The following TRAK1 variants were observed in gnomAD, a reference collection of about 807,000 sequenced individuals.
TRAK1 encodes trafficking kinesin-binding protein 1.
In TRAK1, 33 loss-of-function variants were observed where a neutral mutation model predicts 92.1. The ratio of observed to expected loss-of-function variants is 0.36; its 90% CI spans 0.27 to 0.48. The LOEUF (loss-of-function observed/expected upper bound fraction) is 0.48. TRAK1 is among the 20% of genes least tolerant of loss of function. The pLI, the probability that TRAK1 is intolerant of heterozygous loss-of-function variation, is 0.99. For synonymous variants in TRAK1, 521 were observed against 517.3 expected, an observed-to-expected ratio of 1.01 and a Z score of -0.10; for missense variants, 1,123 against 1,257.9, an observed-to-expected ratio of 0.89 and a Z score of 1.62.
chr3:42,185,160 A>G (rs1704611636), intron 4 of TRAK1, among the ~76,000 whole-genome samples: 1 of 152,194 alleles, frequency 6.6e-6, no homozygotes. Flanking sequence ...AAGATGCTCC[A>G]TGCTTGGCAG....
At chr3:42,092,711 G>GTGTTGTGTTGTGTTGTGTTA (rs1400587515) in intron 1 of TRAK1, among the ~76,000 whole-genome samples, 35 of 101,108 alleles carry the variant, frequency 3.5e-4, no homozygotes, top group Admixed American at 1.1e-3. Context: ...GTGTTGTGTT[G>GTGTTGTGTTGTGTTGTGTTA]TGTTATGTTA....
chr3:42,171,628 C>T (rs17287204), intron 2 of TRAK1, among the ~76,000 whole-genome samples: 91 of 152,148 alleles, frequency 6.0e-4, no homozygotes, highest in African/African-American at 2.1e-3. Context: ...CCACTTCTCC[C>T]GGCTCATTCA....
intron 2 of TRAK1, among the ~76,000 whole-genome samples, chr3:42,140,717 TC>T (rs1278087786): frequency 6.6e-6 from 1 of 152,206 alleles, no homozygotes; most frequent in African/African-American, 2.4e-5. Flanking sequence ...TGGAAGGAAG[TC>T]CTGCTTGTAA....
In TRAK1 at chr3:42,191,611, G is replaced by A. The variant is rs1705750069; in HGVS notation, c.744G>A (p.Leu248=). 1 of 1,604,102 alleles carries A rather than the reference G, an allele frequency of 6.2e-7. No individual in the cohort carries two copies. Among genetic ancestry groups the A allele is most frequent in the Non-Finnish European group, 8.5e-7 (1 of 1,175,362 alleles). The part of the protein sequence containing the change: ...TITYEEKEQQ[L]VNDCVKELRD... ...CCTATGAGGAGAAGGAGCAGCAGCT[G>A]GTCAATGACTGCGTGAAGGAGCTGA... The change falls in exon 7 of 16, where the codon CTG becomes CTA. Residue 248 remains leucine, a synonymous_variant. Coordinates refer to ENST00000327628, the MANE Select transcript of TRAK1 (RefSeq NM_001042646.3).
chr3:42,154,975 A>G (rs1465660998), intron 2 of TRAK1, among the ~76,000 whole-genome samples: 2 of 152,012 alleles, frequency 1.3e-5, no homozygotes, highest in South Asian at 2.1e-4. Flanking sequence ...TAGCAGAGGA[A>G]AAACTTTATG....
chr3:42,217,661 T>G, intron 14 of TRAK1: 1 of 985,434 alleles, frequency 1.0e-6, no homozygotes, highest in Non-Finnish European at 1.2e-6. Context: ...TTTGATTTCT[T>G]TTAAATGTTA....
In TRAK1 at chr3:42,071,176, C is replaced by A. The variant is rs141091466; in HGVS notation, c.-518-15928C>A. On this transcript the variant is annotated intron_variant, in intron 1 of 16. Coordinates refer to the TRAK1 transcript ENST00000487159. Reference sequence around the variant, plus strand: ...TGATTTTTTAAAAGCCAAGTTCCTCCTACGGAGTGAGTGCAGTGAAAGCCA... The same window carrying A: ...TGATTTTTTAAAAGCCAAGTTCCTCATACGGAGTGAGTGCAGTGAAAGCCA... Among the ~76,000 whole-genome samples, 741 of 152,334 alleles carry A rather than the reference C, an allele frequency of 4.9e-3. 6 individuals are homozygous for A. The highest frequency in any genetic ancestry group is 0.017 in the African/African-American group (715 of 41,570).
At chr3:42,149,583 T>C (rs369295512) in intron 2 of TRAK1, 3 of 1,536,126 alleles carry the variant, frequency 2.0e-6, no homozygotes, top group East Asian at 2.4e-5. Context: ...ACTGGTATTA[T>C]GAAGAATGCT....
intron 1 of TRAK1, among the ~76,000 whole-genome samples, chr3:42,054,485 A>T (rs1010021015): frequency 1.3e-5 from 2 of 151,972 alleles, no homozygotes; most frequent in African/African-American, 4.8e-5. Flanking sequence ...TAAATAACTC[A>T]CCCCAGGTCA....
At chr3:42,205,071 T>C (rs1708170949) in intron 13 of TRAK1, among the ~76,000 whole-genome samples, 1 of 152,146 alleles carries the variant, frequency 6.6e-6, no homozygotes, top group South Asian at 2.1e-4. Context: ...TCCTATTTAG[T>C]TGTGGTTGTG....
At chr3:42,040,568 G>A (rs1702495653) in intron 1 of TRAK1, among the ~76,000 whole-genome samples, 1 of 152,076 alleles carries the variant, frequency 6.6e-6, no homozygotes, top group Non-Finnish European at 1.5e-5. Context: ...ATATTGAGTT[G>A]CCTTATTGAA....
chr3:42,072,374 C>T (rs926900252), intron 1 of TRAK1, among the ~76,000 whole-genome samples: 2 of 148,760 alleles, frequency 1.3e-5, no homozygotes, highest in Admixed American at 1.3e-4. Context: ...CCGGAAAGCT[C>T]TGCTCGTAAA....
intron 2 of TRAK1, among the ~76,000 whole-genome samples, chr3:42,159,429 ACCTGCCGTTCT>A (rs1700992014): frequency 6.6e-6 from 1 of 152,172 alleles, no homozygotes; most frequent in Non-Finnish European, 1.5e-5. Context: ...TGATGGAAGA[ACCTGCCGTTCT>A]CACTGTTGCA....
intron 13 of TRAK1, among the ~76,000 whole-genome samples, chr3:42,208,312 C>CT (rs978136334): frequency 3.9e-5 from 6 of 151,930 alleles, no homozygotes; most frequent in Non-Finnish European, 7.4e-5. Context: ...CAGTGTGCAC[C>CT]TTTTTTTTCC....
At chr3:42,201,931 C>CACACACACACA (rs1553609205) in intron 12 of TRAK1, among the ~76,000 whole-genome samples, 3 of 146,134 alleles carry the variant, frequency 2.1e-5, no homozygotes, top group Admixed American at 6.8e-5. Context: ...CACACACACA[C>CACACACACACA]CATTGTCTAC....
In TRAK1 at chr3:42,091,561, G is replaced by T. The variant is rs1705062638; in HGVS notation, c.91+1G>T. The T allele has an allele frequency of 1.2e-6, 2 of 1,611,292 alleles. No homozygotes were observed. Among genetic ancestry groups the T allele is most frequent in the African/African-American group, 1.3e-5 (1 of 74,760 alleles). ...AAGCTCATTCGGACAAACGCCTGTG[G>T]TAAGTTTGTTTGCCAGGTCTGTCTG... On this transcript the variant is annotated splice_donor_variant, in intron 1 of 15. Transcript: ENST00000327628. LOFTEE classifies it high-confidence loss of function.
At chr3:42,063,943 T>C (rs1426283790) in intron 1 of TRAK1, among the ~76,000 whole-genome samples, 1 of 152,216 alleles carries the variant, frequency 6.6e-6, no homozygotes, top group Non-Finnish European at 1.5e-5. Context: ...CTGTAATTTC[T>C]GTCTCATACT....
chr3:42,052,177 AT>A (rs1481451101), intron 1 of TRAK1, among the ~76,000 whole-genome samples: 5 of 152,220 alleles, frequency 3.3e-5, no homozygotes, highest in African/African-American at 1.2e-4. Context: ...TGAACAGTCC[AT>A]TGTGTCATAT....
intron 4 of TRAK1, among the ~76,000 whole-genome samples, chr3:42,185,790 G>T: frequency 6.6e-6 from 1 of 150,674 alleles, no homozygotes; most frequent in African/African-American, 2.4e-5. Context: ...TCCTGCCTCA[G>T]CCTCCCGAGT....
Sources: allele counts gnomAD v4.1 joint callset (sites outside exome capture counted in the v4.1 genomes callset), GRCh38; gene constraint gnomAD v4.1.1; transcripts MANE v1.5; gene names NCBI Gene and HGNC (gene_info 2026-07-23, HGNC 2026-07-21).